The following GALNTL6 variants were observed in gnomAD, a reference collection of about 807,000 sequenced individuals.
GALNTL6 encodes the protein polypeptide N-acetylgalactosaminyltransferase like 6, also known as polypeptide N-acetylgalactosaminyltransferase-like 6.
GALNTL6 carries 46 observed loss-of-function variants against 73.7 expected under a neutral mutation model. That is an observed-to-expected ratio of 0.62 (90% CI 0.49 to 0.80). The LOEUF (loss-of-function observed/expected upper bound fraction) is 0.80, where lower values mean the gene tolerates loss of function less well. Ranked by LOEUF, GALNTL6 falls within the 30% of genes least tolerant of loss-of-function variation. The probability of loss-of-function intolerance (pLI) is 0.00; values close to 1 mark genes in which losing one functional copy is unlikely to be tolerated. For missense variants in GALNTL6, 604 were observed against 755.0 expected (o/e 0.80, Z 2.34); for synonymous variants, 259 against 263.7 (o/e 0.98, Z 0.17).
At chr4:172,515,163 C>T (rs187172466) in intron 5 of GALNTL6, among the ~76,000 whole-genome samples, 1 of 152,346 alleles carries the variant, frequency 6.6e-6, no homozygotes, top group African/African-American at 2.4e-5. Flanking sequence ...TTGCACCCAA[C>T]TTAGTTCACA....
intron 6 of GALNTL6, among the ~76,000 whole-genome samples, chr4:172,812,896 A>AG (rs1741392069): frequency 6.6e-6 from 1 of 152,354 alleles, no homozygotes; most frequent in South Asian, 2.1e-4. Context: ...AAGTAATCGC[A>AG]GTAGTATAAT....
chr4:172,660,000 C>T (rs919672564), intron 5 of GALNTL6, among the ~76,000 whole-genome samples: 4 of 152,194 alleles, frequency 2.6e-5, no homozygotes, highest in African/African-American at 4.8e-5. Flanking sequence ...AGACAGGAGA[C>T]CTATGTACTT....
chr4:172,756,015 C>T (rs928205242), intron 5 of GALNTL6, among the ~76,000 whole-genome samples: 3 of 152,172 alleles, frequency 2.0e-5, no homozygotes, highest in Non-Finnish European at 4.4e-5. Context: ...ATTCTCTAAG[C>T]ATTTTTTTAG....
chr4:172,503,881 A>AAGTTTGGTGAATTCTTATCCATTCTG (rs1579137073), intron 5 of GALNTL6, among the ~76,000 whole-genome samples: 4 of 59,684 alleles, frequency 6.7e-5, no homozygotes, highest in Admixed American at 2.2e-4. Flanking sequence ...GAGTCCAAGC[A>AAGTTTGGTGAATTCTTATCCATTCTG]CAGATCACGC....
intron 2 of GALNTL6, among the ~76,000 whole-genome samples, chr4:171,933,425 T>C (rs1368574817): frequency 6.6e-6 from 1 of 152,182 alleles, no homozygotes; most frequent in African/African-American, 2.4e-5. Flanking sequence ...TTTTAGTTTA[T>C]TTTCTATTGT....
chr4:172,186,006 A>G (rs1735404733), intron 2 of GALNTL6, among the ~76,000 whole-genome samples: 1 of 152,178 alleles, frequency 6.6e-6, no homozygotes, highest in African/African-American at 2.4e-5. Context: ...TAAAACTATC[A>G]ATTTGTTAAT....
intron 2 of GALNTL6, among the ~76,000 whole-genome samples, chr4:172,025,660 A>G (rs1579069874): frequency 6.6e-6 from 1 of 152,156 alleles, no homozygotes; most frequent in East Asian, 1.9e-4. Flanking sequence ...TGAAATCAAT[A>G]TACTAGTCAA....
chr4:172,481,081 G>A (rs997623021), intron 5 of GALNTL6, among the ~76,000 whole-genome samples: 1 of 152,236 alleles, frequency 6.6e-6, no homozygotes, highest in Admixed American at 6.5e-5. Flanking sequence ...TCTTAAAGGT[G>A]GTGTGTCCGG....
rs758290970 is a variant in GALNTL6, at chr4:171,917,180, G to A, written c.138+102462G>A. 3.1e-4 allele frequency among the ~76,000 whole-genome samples: 47 copies of A among 151,826 alleles called. 1 individual carries two copies. Among genetic ancestry groups the A allele is most frequent in the Non-Finnish European group, 5.0e-4 (34 of 67,914 alleles). On this transcript the variant is annotated intron_variant, in intron 2 of 12. Coordinates refer to ENST00000506823, the MANE Select transcript of GALNTL6 (RefSeq NM_001034845.3). ...ATGTGAATAACTTAGTTGCAAATTC[G>A]TCAGATATTAAAAGAGTGGGCATAT... is the stretch of plus-strand genomic sequence containing the variant.
intron 5 of GALNTL6, among the ~76,000 whole-genome samples, chr4:172,381,280 C>T (rs1453232894): frequency 6.6e-6 from 1 of 152,148 alleles, no homozygotes; most frequent in Admixed American, 6.5e-5. Flanking sequence ...ATATAATTCA[C>T]CTAGCATGAA....
chr4:172,200,799 G>T (rs545260343), intron 2 of GALNTL6, among the ~76,000 whole-genome samples: 1 of 152,282 alleles, frequency 6.6e-6, no homozygotes, highest in Admixed American at 6.5e-5. Flanking sequence ...GTAGTAACAC[G>T]TGAATTGTTA....
intron 5 of GALNTL6, among the ~76,000 whole-genome samples, chr4:172,513,504 A>C (rs1734497717): frequency 6.6e-6 from 1 of 152,086 alleles, no homozygotes; most frequent in Non-Finnish European, 1.5e-5. Context: ...TTTTTGTCAT[A>C]TTATCAGAAT....
chr4:172,663,019 G>A (rs555372446), intron 5 of GALNTL6, among the ~76,000 whole-genome samples: 4 of 152,238 alleles, frequency 2.6e-5, no homozygotes, highest in East Asian at 1.9e-4. Context: ...ACAATGGCCC[G>A]GAGACAAGAA....
intron 5 of GALNTL6, among the ~76,000 whole-genome samples, chr4:172,601,398 A>G (rs966528762): frequency 6.6e-6 from 1 of 152,128 alleles, no homozygotes; most frequent in Non-Finnish European, 1.5e-5. Context: ...TCACTCATCC[A>G]TACATTAATG....
chr4:172,922,017 G>A (rs1747819696), intron 8 of GALNTL6, among the ~76,000 whole-genome samples: 1 of 152,152 alleles, frequency 6.6e-6, no homozygotes, highest in South Asian at 2.1e-4. Context: ...TTGTGGGAGG[G>A]ACCCAGGGGG....
chr4:172,787,487 C>T (rs965251778), intron 5 of GALNTL6, among the ~76,000 whole-genome samples: 4 of 152,192 alleles, frequency 2.6e-5, no homozygotes, highest in African/African-American at 7.2e-5. Context: ...ATGCTAAAAG[C>T]TTTGAGAAAG....
chr4:172,204,172 A>G (rs575916627), intron 2 of GALNTL6, among the ~76,000 whole-genome samples: 2 of 152,340 alleles, frequency 1.3e-5, no homozygotes, highest in South Asian at 4.1e-4. Flanking sequence ...TGTTTGCTAT[A>G]TATAATGAAA....
At chr4:172,366,397 T>A (rs1189478810) in intron 5 of GALNTL6, among the ~76,000 whole-genome samples, 2 of 152,166 alleles carry the variant, frequency 1.3e-5, no homozygotes, top group Admixed American at 6.5e-5. Context: ...AATCACCACA[T>A]TGTCATATTT....
intron 2 of GALNTL6, among the ~76,000 whole-genome samples, chr4:171,859,419 GAAT>G (rs1160366344): frequency 6.6e-6 from 1 of 152,044 alleles, no homozygotes; most frequent in Non-Finnish European, 1.5e-5. Context: ...GAGGTGTCAT[GAAT>G]AATGTCCCCT....
Sources: allele counts gnomAD v4.1 joint callset (sites outside exome capture counted in the v4.1 genomes callset), GRCh38; gene constraint gnomAD v4.1.1; transcripts MANE v1.5; gene names NCBI Gene and HGNC (gene_info 2026-07-23, HGNC 2026-07-21).